The following CPNE7 variants were observed in gnomAD, a reference collection of about 807,000 sequenced individuals.
CPNE7 encodes copine-7.
A neutral mutation model predicts 66.5 loss-of-function variants in CPNE7; 78 were observed. The observed-to-expected ratio is 1.17, with a 90% CI of 0.98 to 1.42. The LOEUF is 1.42. Among genes scored for constraint, CPNE7 ranks in the 40% most tolerant of loss-of-function variants. The pLI is 0.00. For missense variants in CPNE7, 1,012 were observed against 776.6 expected, an observed-to-expected ratio of 1.30 and a Z score of -3.60; for synonymous variants, 468 against 336.7, an observed-to-expected ratio of 1.39 and a Z score of -4.27.
In CPNE7 at chr16:89,577,597, C is replaced by G. The variant is rs749587094; in HGVS notation, c.233C>G (p.Thr78Arg). The change falls in exon 2 of 15, where the codon ACG becomes AGG. Residue 78 changes from threonine to arginine, a missense_variant. Transcript: ENST00000319518. ...SLHPVFSKVF[T>R]VDYYFEEVQR... ...CATCCCGTGTTCTCCAAGGTCTTCA[C>G]GGTGGACTACTACTTCGAGGAGGTG... The G allele has an allele frequency of 1.2e-4, 188 of 1,556,670 alleles. No homozygotes were observed. The highest frequency in any genetic ancestry group is 1.5e-4 in the Non-Finnish European group (178 of 1,149,658).
At position 89,579,722 on chromosome 16, in the gene CPNE7, C is replaced by T. The variant is rs575592806; in HGVS notation, c.357+2001C>T. Among the ~76,000 whole-genome samples the T allele has an allele frequency of 1.5e-3, 223 of 151,000 alleles. 3 individuals carry two copies. Among genetic ancestry groups the T allele is most frequent in the African/African-American group, 5.2e-3 (214 of 40,790 alleles). On this transcript the variant is annotated intron_variant, in intron 2 of 14. Transcript: ENST00000319518. ...TCACATGGAACATCCCATCACCCAT[C>T]ACACGGAACATCCCATCACCCATCA...
At chr16:89,587,658 A>C in intron 9 of CPNE7, 2 of 429,842 alleles carry the variant, frequency 4.7e-6, no homozygotes, top group South Asian at 1.6e-5. Flanking sequence ...TGTCACCCCC[A>C]TGTCACCCGC....
At chr16:89,590,524 TAAAAAAG>T (rs1326319048) in intron 11 of CPNE7, among the ~76,000 whole-genome samples, 6 of 151,698 alleles carry the variant, frequency 4.0e-5, no homozygotes, top group African/African-American at 7.3e-5. Flanking sequence ...GACTCTGTTT[TAAAAAAG>T]AAAAAAGAAA....
Position 89,588,206 on chromosome 16 carries a change from G to GCGTGTCACCCACAGATACACGGCCCCC in CPNE7, c.928-468_928-442dup, listed in dbSNP as rs1597711661. Among the ~76,000 whole-genome samples, 46 of 21,158 alleles carry GCGTGTCACCCACAGATACACGGCCCCC rather than the reference G, an allele frequency of 2.2e-3. 11 individuals carry two copies. Among genetic ancestry groups the GCGTGTCACCCACAGATACACGGCCCCC allele is most frequent in the East Asian group, 0.013 (12 of 894 alleles). The allele number at this position is 21,158 out of a possible 152,430, so 13.9% of individuals were successfully genotyped here. On this transcript the variant is annotated intron_variant, in intron 9 of 14. Transcript: ENST00000319518. ...CAGATACACGGCCCCCGTGTCACCC[G>GCGTGTCACCCACAGATACACGGCCCCC]CGTGTCACCCACAGATACACGGCCC... is the stretch of plus-strand genomic sequence containing the variant.
chr16:89,576,537 A>G (rs2058862779), intron 1 of CPNE7, among the ~76,000 whole-genome samples: 2 of 152,142 alleles, frequency 1.3e-5, no homozygotes. Flanking sequence ...CTCCCGCTCC[A>G]ACGTGGGTCT....
At chr16:89,591,403 C>A in intron 13 of CPNE7, 143 bp downstream of exon 13, 3 of 1,215,146 alleles carry the variant, frequency 2.5e-6, no homozygotes, top group South Asian at 3.2e-5. Context: ...AGGGCGGGGG[C>A]CCAGCTGGTT....
intron 13 of CPNE7, among the ~76,000 whole-genome samples, chr16:89,592,063 T>C (rs4341744): frequency 0.72 from 105,174 of 145,200 alleles, 38,259 homozygotes; most frequent in East Asian, 0.83. Context: ...GCTGGAAGTG[T>C]AGTGGCGCAA....
chr16:89,579,167 C>T (rs904279287), intron 2 of CPNE7, among the ~76,000 whole-genome samples: 2 of 151,972 alleles, frequency 1.3e-5, no homozygotes, highest in Non-Finnish European at 2.9e-5. Context: ...TGGTGCGTGC[C>T]TGTAGTCCCA....
intron 2 of CPNE7, among the ~76,000 whole-genome samples, chr16:89,582,236 T>G (rs1159940645): frequency 1.3e-5 from 2 of 152,266 alleles, no homozygotes; most frequent in Non-Finnish European, 2.9e-5. Flanking sequence ...ACCTGACCTC[T>G]GACCCCTGAC....
At chr16:89,594,802 C>G (rs1448820006) in intron 13 of CPNE7, among the ~76,000 whole-genome samples, 1 of 151,896 alleles carries the variant, frequency 6.6e-6, no homozygotes, top group Non-Finnish European at 1.5e-5. Context: ...CAGGCGCCCA[C>G]CACCACGCCC....
At chr16:89,589,328 C>T (rs112354611) in intron 10 of CPNE7, among the ~76,000 whole-genome samples, 1,766 of 152,284 alleles carry the variant, frequency 0.012, 38 homozygotes, top group African/African-American at 0.041. Context: ...GCTGGGTAGC[C>T]CTACTGGAGG....
chr16:89,580,346 C>G (rs1330388944), intron 2 of CPNE7, among the ~76,000 whole-genome samples: 1 of 144,460 alleles, frequency 6.9e-6, no homozygotes, highest in Non-Finnish European at 1.5e-5. Flanking sequence ...ACGGAACATC[C>G]CATCACCCGT....
At position 89,591,248 on chromosome 16, in the gene CPNE7, C is replaced by T. The variant is rs1197941355; in HGVS notation, c.1290C>T (p.Thr430=). The T allele has an allele frequency of 2.0e-5, 31 of 1,582,334 alleles. No homozygotes were observed. The highest frequency in any genetic ancestry group is 5.4e-5 in the African/African-American group (4 of 74,534). Residue 430 remains threonine (T), a synonymous_variant, in exon 13 of 15, where the codon ACC becomes ACT. Coordinates refer to ENST00000319518, the MANE Select transcript of CPNE7 (RefSeq NM_153636.3). ...GCGTGGCGGCGGCCGAGGAGAGCAC[C>T]GGGAAAGCCTCTGTAGGTGCCCGGG... The part of the protein sequence containing the change: ...VARVAAAEES[T]GKASQYYILL...
chr16:89,595,982 A>G (rs2059249256), intron 14 of CPNE7: 4 of 499,726 alleles, frequency 8.0e-6, no homozygotes, highest in Non-Finnish European at 1.5e-5. Context: ...ACCCGGTGAG[A>G]CGCACAGCAC....
In CPNE7 at chr16:89,587,092, TCCACTTCACCGTGAGTCC is replaced by T. The variant is rs2059055115; in HGVS notation, c.918_927+8del. On this transcript the variant is annotated splice_donor_variant and splice_donor_5th_base_variant and coding_sequence_variant and intron_variant, in exon 9 of 15. Transcript: ENST00000319518. LOFTEE classifies it high-confidence loss of function. ...GACTATATCATGGGCGGCTGCCAGA[TCCACTTCACCGTGAGTCC>T]ATGGCCCCGCCCCATGCCGCCCCCT... 6.4e-7 allele frequency: 1 copy of T among 1,565,018 alleles called. No individual in the cohort carries two copies. Among genetic ancestry groups the T allele is most frequent in the Admixed American group, 1.8e-5 (1 of 54,242 alleles).
chr16:89,579,320 C>T (rs1020663573), intron 2 of CPNE7, among the ~76,000 whole-genome samples: 6 of 152,010 alleles, frequency 3.9e-5, no homozygotes, highest in African/African-American at 1.2e-4. Flanking sequence ...CGATAAAATG[C>T]ATCAATCTTA....
At chr16:89,591,344 G>A in intron 13 of CPNE7, 84 bp downstream of exon 13, 1 of 1,450,132 alleles carries the variant, frequency 6.9e-7, no homozygotes. Flanking sequence ...GAGGCACCTG[G>A]CAGAGGGAAC....
intron 9 of CPNE7, among the ~76,000 whole-genome samples, chr16:89,588,092 CCCCCGTGTCACCCACAGATACACGG>C (rs2059106937): frequency 3.5e-5 from 2 of 56,574 alleles, no homozygotes; most frequent in African/African-American, 1.5e-4. Flanking sequence ...AGATACACGG[CCCCCGTGTCACCCACAGATACACGG>C]CCCCCGTGTC....
At chr16:89,583,392 G>A in intron 2 of CPNE7, 1 of 1,518,154 alleles carries the variant, frequency 6.6e-7, no homozygotes, top group Non-Finnish European at 8.9e-7. Context: ...CAGCTGGGCT[G>A]TGAGCTGCTT....
Sources: allele counts gnomAD v4.1 joint callset (sites outside exome capture counted in the v4.1 genomes callset), GRCh38; gene constraint gnomAD v4.1.1; transcripts MANE v1.5; gene names NCBI Gene and HGNC (gene_info 2026-07-23, HGNC 2026-07-21).